DIS3L2: variants seen among roughly 807,000 people sequenced by gnomAD.
DIS3L2 encodes DIS3 like 3'-5' exoribonuclease 2, also known as DIS3-like exonuclease 2.
A neutral mutation model predicts 97.5 loss-of-function variants in DIS3L2; 34 were observed. That is an observed-to-expected ratio of 0.35 (90% CI 0.27 to 0.46). The LOEUF is 0.46. DIS3L2 is among the 20% of genes least tolerant of loss of function. DIS3L2 has a pLI of 1.00. For synonymous variants in DIS3L2, 435 were observed against 445.2 expected, an observed-to-expected ratio of 0.98 and a Z score of 0.29; for missense variants, 1,038 against 1,146.0, an observed-to-expected ratio of 0.91 and a Z score of 1.36.
Position 232,325,060 on chromosome 2 carries a change from C to T in DIS3L2, c.1740-4753C>T, listed in dbSNP as rs1013952135. Among the ~76,000 whole-genome samples the T allele has an allele frequency of 1.3e-5, 2 of 152,212 alleles. No individual in the cohort carries two copies. Among genetic ancestry groups the T allele is most frequent in the East Asian group, 3.9e-4 (2 of 5,190 alleles). On this transcript the variant is annotated intron_variant, in intron 14 of 20. Transcript: ENST00000325385. This position sits in a 1 kb window ranked among gnomAD's most constrained non-coding sequence, Gnocchi z 4.6. The stretch of plus-strand genomic sequence containing the variant: ...AGAGAAATACTCAGATCCAGTTCCT[C>T]GATGGTCAGGGAAGGCAGGCTTCCT...
chr2:232,314,712 A>G (rs1053571046), intron 14 of DIS3L2, among the ~76,000 whole-genome samples: 1 of 152,232 alleles, frequency 6.6e-6, no homozygotes, highest in Non-Finnish European at 1.5e-5. Flanking sequence ...CCTGTCTGTC[A>G]CGTTGCCATT....
At chr2:232,193,326 C>A (rs1378432239) in intron 9 of DIS3L2, among the ~76,000 whole-genome samples, 1 of 152,180 alleles carries the variant, frequency 6.6e-6, no homozygotes, top group Non-Finnish European at 1.5e-5. Context: ...CTGCCACTTA[C>A]TAGGTATATA....
rs1263068902 is a variant in DIS3L2 at position 231,976,486 on chromosome 2, G to T, written c.-94+14721G>T. Among the ~76,000 whole-genome samples, 2 of 151,804 alleles carry T rather than the reference G, an allele frequency of 1.3e-5. 1 individual carries two copies. The highest frequency in any genetic ancestry group is 2.9e-5 in the Non-Finnish European group (2 of 67,964). The stretch of plus-strand genomic sequence containing the variant: ...ACCAAAAATACAAAAAATTAGCTGG[G>T]TATATGGTGGTGCGTGCCTATAGTC... On this transcript the variant is annotated intron_variant, in intron 1 of 20. Coordinates refer to ENST00000325385, the MANE Select transcript of DIS3L2 (RefSeq NM_152383.5).
At chr2:232,007,144 C>A (rs1417523458) in intron 1 of DIS3L2, among the ~76,000 whole-genome samples, 12 of 152,016 alleles carry the variant, frequency 7.9e-5, no homozygotes, top group Admixed American at 7.9e-4. Context: ...TTGGGAATAC[C>A]CCAGTGGCAA....
intron 6 of DIS3L2, among the ~76,000 whole-genome samples, chr2:232,099,090 TTCTAAG>T (rs1031319967): frequency 1.4e-4 from 21 of 152,260 alleles, no homozygotes; most frequent in African/African-American, 4.3e-4. Context: ...GGTTTCTCTC[TTCTAAG>T]TCTATTTCTG....
At chr2:232,210,213 C>T in intron 9 of DIS3L2, 113 bp from the exon 10 acceptor site, 4 of 771,652 alleles carry the variant, frequency 5.2e-6, no homozygotes, top group Non-Finnish European at 8.9e-6. Flanking sequence ...TTATTTTTCA[C>T]TTTCCCTAAC....
Position 232,037,337 on chromosome 2 carries a change from G to A in DIS3L2, c.366+7257G>A, listed in dbSNP as rs907308388. Among the ~76,000 whole-genome samples the A allele has an allele frequency of 6.6e-6, 1 of 152,184 alleles. No homozygotes were observed. Among genetic ancestry groups the A allele is most frequent in the Non-Finnish European group, 1.5e-5 (1 of 68,026 alleles). On this transcript the variant is annotated intron_variant, in intron 5 of 20. Transcript: ENST00000325385. This position sits in a 1 kb window ranked among gnomAD's most constrained non-coding sequence, Gnocchi z 4.6. The stretch of plus-strand genomic sequence containing the variant: ...TTCCTGGTGGCTTTGTTTACACTGT[G>A]AGGGGAAAACCGCCTACTTAAGCCT...
chr2:232,202,372 T>A (rs1240481100), intron 9 of DIS3L2, among the ~76,000 whole-genome samples: 1 of 152,032 alleles, frequency 6.6e-6, no homozygotes, highest in Non-Finnish European at 1.5e-5. Context: ...CACTCCAGCC[T>A]GGCGACAGAG....
chr2:232,248,060 T>G (rs1693313345), intron 11 of DIS3L2, among the ~76,000 whole-genome samples: 1 of 152,260 alleles, frequency 6.6e-6, no homozygotes, highest in Non-Finnish European at 1.5e-5. Context: ...TATTTGTTAC[T>G]GGTGTGGGCC....
At chr2:232,231,608 A>C (rs1198343675) in intron 10 of DIS3L2, among the ~76,000 whole-genome samples, 2 of 152,244 alleles carry the variant, frequency 1.3e-5, no homozygotes, top group African/African-American at 4.8e-5. Flanking sequence ...GACAGCAGTG[A>C]ATTTTAAGTC....
chr2:232,247,098 A>G (rs1574969895), intron 11 of DIS3L2, among the ~76,000 whole-genome samples: 1 of 152,352 alleles, frequency 6.6e-6, no homozygotes, highest in African/African-American at 2.4e-5. Context: ...TGCCGTGAAC[A>G]CTTAGAAGAC....
intron 16 of DIS3L2, among the ~76,000 whole-genome samples, chr2:232,333,149 A>ACCTCCTCCTTCTCCTCCTCCGCTGTCG (rs1559218323): frequency 6.7e-4 from 65 of 96,560 alleles, no homozygotes; most frequent in South Asian, 1.5e-3. Flanking sequence ...TCCTTCCACC[A>ACCTCCTCCTTCTCCTCCTCCGCTGTCG]CCTCCTCCTT....
At chr2:231,991,927 A>C (rs1047403298) in intron 1 of DIS3L2, among the ~76,000 whole-genome samples, 4 of 151,840 alleles carry the variant, frequency 2.6e-5, no homozygotes, top group Non-Finnish European at 5.9e-5. Context: ...GGGACATACA[A>C]GGCTCTACAC....
chr2:231,964,374 G>C (rs1180896353), intron 1 of DIS3L2, among the ~76,000 whole-genome samples: 2 of 152,118 alleles, frequency 1.3e-5, no homozygotes, highest in African/African-American at 4.8e-5. Context: ...AAATCTTCCC[G>C]GGACTGACTA....
chr2:232,036,020 A>G (rs1694941080), intron 5 of DIS3L2, among the ~76,000 whole-genome samples: 1 of 151,678 alleles, frequency 6.6e-6, no homozygotes, highest in Admixed American at 6.6e-5. Context: ...TTTCTCGAGG[A>G]GTATCTTTAT....
intron 6 of DIS3L2, among the ~76,000 whole-genome samples, chr2:232,114,772 A>C (rs574360833): frequency 1.3e-5 from 2 of 152,332 alleles, no homozygotes; most frequent in Admixed American, 1.3e-4. Context: ...GAAAGCCTTG[A>C]AGAAAACCTA....
At chr2:232,084,416 C>G (rs149904993) in intron 5 of DIS3L2, among the ~76,000 whole-genome samples, 5 of 152,208 alleles carry the variant, frequency 3.3e-5, no homozygotes, top group African/African-American at 9.6e-5. Flanking sequence ...ATCTGAAATG[C>G]TTCACTGAGC....
At chr2:232,255,282 C>G (rs1467077836) in intron 12 of DIS3L2, among the ~76,000 whole-genome samples, 1 of 152,220 alleles carries the variant, frequency 6.6e-6, no homozygotes, top group Non-Finnish European at 1.5e-5. Flanking sequence ...GTGGTGACTT[C>G]TCTTGGCGTA....
At position 232,336,695 on chromosome 2, in the gene DIS3L2, G is replaced by A. The variant is rs558913651; in HGVS notation, c.*65G>A. ...TCCCGCCACACTGGCTTTAGGACCT[G>A]TTGACACGGAGGGGGGTTTTTAATT... On this transcript the variant is annotated 3_prime_UTR_variant, in exon 21 of 21. Transcript: ENST00000325385. The A allele has an allele frequency of 2.7e-4, 424 of 1,552,818 alleles. 3 individuals are homozygous for A. In the African/African-American group the frequency reaches 4.8e-3, roughly 18 times the overall value.
Sources: allele counts gnomAD v4.1 joint callset (sites outside exome capture counted in the v4.1 genomes callset), GRCh38; gene constraint gnomAD v4.1.1; non-coding constraint Gnocchi (gnomAD v3.1); transcripts MANE v1.5; gene names NCBI Gene and HGNC (gene_info 2026-07-23, HGNC 2026-07-21).